The following GLUD1 variants were observed in gnomAD, a reference collection of about 807,000 sequenced individuals.
The protein encoded by GLUD1 is glutamate dehydrogenase 1, mitochondrial.
Under a neutral mutation model 56.0 loss-of-function variants are expected in GLUD1, and 22 were observed. That is an observed-to-expected ratio of 0.39 (90% CI 0.28 to 0.56). The LOEUF (loss-of-function observed/expected upper bound fraction) is 0.56, where lower values mean the gene tolerates loss of function less well. Among genes scored for constraint, GLUD1 ranks in the 20% least tolerant of loss-of-function variants. The probability of loss-of-function intolerance (pLI) is 0.58; values close to 1 mark genes in which losing one functional copy is unlikely to be tolerated. For missense variants in GLUD1, 451 were observed against 732.0 expected, an observed-to-expected ratio of 0.62 and a Z score of 4.43; for synonymous variants, 223 against 269.9, an observed-to-expected ratio of 0.83 and a Z score of 1.70.
intron 1 of GLUD1, among the ~76,000 whole-genome samples, chr10:87,079,887 GCTCTCCCTCTCC>G (rs1267906047): frequency 3.8e-4 from 56 of 146,390 alleles, no homozygotes; most frequent in African/African-American, 1.4e-3. Context: ...AAGAACTAGT[GCTCTCCCTCTCC>G]CTCCCCCTCC....
intron 4 of GLUD1, among the ~76,000 whole-genome samples, chr10:87,070,202 CA>C (rs1237506466): frequency 2.0e-5 from 3 of 152,210 alleles, no homozygotes; most frequent in African/African-American, 7.2e-5. Context: ...CCTGTAATCC[CA>C]GCACTTTGGG....
At position 87,090,987 on chromosome 10, in the gene GLUD1, C is replaced by G. The variant is rs1045487469; in HGVS notation, c.445+3338G>C. Among the ~76,000 whole-genome samples, 58 of 152,208 alleles carry G rather than the reference C, an allele frequency of 3.8e-4. 1 individual carries two copies. Among genetic ancestry groups the G allele is most frequent in the African/African-American group, 1.2e-3 (48 of 41,538 alleles). On this transcript the variant is annotated intron_variant, in intron 1 of 12. Coordinates refer to ENST00000277865, the MANE Select transcript of GLUD1 (RefSeq NM_005271.5). ...GGCGTCTTTAACACTGCATTGACTCCGGTCTTCCCTTGCATTATGTCATCA... is the reference window on the plus strand; with the variant it reads ...GGCGTCTTTAACACTGCATTGACTCGGGTCTTCCCTTGCATTATGTCATCA...
At chr10:87,090,007 G>T (rs190116630) in intron 1 of GLUD1, among the ~76,000 whole-genome samples, 1 of 152,158 alleles carries the variant, frequency 6.6e-6, no homozygotes, top group Non-Finnish European at 1.5e-5. Flanking sequence ...ATGAATCAAT[G>T]TGCTCTAAAG....
intron 1 of GLUD1, among the ~76,000 whole-genome samples, chr10:87,087,562 A>G (rs1297802388): frequency 4.6e-5 from 7 of 152,230 alleles, no homozygotes. Context: ...AGATGCTCCT[A>G]TCACTCAGGA....
intron 1 of GLUD1, among the ~76,000 whole-genome samples, chr10:87,088,716 CAGA>C (rs1841444079): frequency 6.6e-6 from 1 of 152,276 alleles, no homozygotes; most frequent in South Asian, 2.1e-4. Context: ...AGAAGCAAAT[CAGA>C]AGAATTACGT....
Position 87,094,793 on chromosome 10 carries a change from G to A in GLUD1, c.-24C>T. 2 of 1,516,080 alleles carry A rather than the reference G, an allele frequency of 1.3e-6. No homozygotes were observed. 93.9% of individuals were successfully genotyped at this position (1,516,080 alleles called of 1,614,324 possible). A position where few individuals can be genotyped will look rare whatever the true frequency, so the allele number is the denominator to read the frequency against. ...ATGGCCACAAGCGGAGGGGAGGTGCGTGATGGTCGCGAAACAGGCGCGCTT... is the reference window on the plus strand; with the variant it reads ...ATGGCCACAAGCGGAGGGGAGGTGCATGATGGTCGCGAAACAGGCGCGCTT... On this transcript the variant is annotated 5_prime_UTR_variant, in exon 1 of 13. It adds an upstream start codon to the 5' untranslated region. Coordinates refer to ENST00000277865, the MANE Select transcript of GLUD1 (RefSeq NM_005271.5). This position sits in a 1 kb window ranked among gnomAD's most constrained non-coding sequence, Gnocchi z 6.6.
At chr10:87,055,925 C>A (rs1274258357) in intron 11 of GLUD1, among the ~76,000 whole-genome samples, 4 of 151,626 alleles carry the variant, frequency 2.6e-5, no homozygotes, top group African/African-American at 9.7e-5. Context: ...ACCAGCCTGA[C>A]CAACAAGGTG....
intron 1 of GLUD1, among the ~76,000 whole-genome samples, chr10:87,077,102 C>T (rs1259581640): frequency 6.6e-6 from 1 of 152,014 alleles, no homozygotes; most frequent in Non-Finnish European, 1.5e-5. Flanking sequence ...CCTCAACCTC[C>T]TAGGCTCAGG....
chr10:87,067,857 A>G, intron 5 of GLUD1: 1 of 535,836 alleles, frequency 1.9e-6, no homozygotes, highest in Non-Finnish European at 3.4e-6. Context: ...TCCAGTGACA[A>G]GTATAGGGCA....
chr10:87,058,295 T>A (rs1285370496), intron 10 of GLUD1, among the ~76,000 whole-genome samples: 1 of 152,186 alleles, frequency 6.6e-6, no homozygotes, highest in East Asian at 1.9e-4. Flanking sequence ...TAACACCCAT[T>A]ACCAGGGTTT....
rs1464419757 is a variant in GLUD1, at chr10:87,051,479, C to G, written c.*272G>C. The G allele has an allele frequency of 4.1e-6, 2 of 484,224 alleles. No homozygotes were observed. Among genetic ancestry groups the G allele is most frequent in the Non-Finnish European group, 7.8e-6 (2 of 255,596 alleles). 30.0% of individuals were successfully genotyped at this position (484,224 alleles called of 1,614,324 possible). On this transcript the variant is annotated 3_prime_UTR_variant, in exon 13 of 13. Coordinates refer to ENST00000277865, the MANE Select transcript of GLUD1 (RefSeq NM_005271.5). The stretch of plus-strand genomic sequence containing the variant: ...GGAAAAGCCACAGAGCAAGGCTGCA[C>G]AGCCAGATAAAGGAGGCTTTTTATT...
In GLUD1 at chr10:87,051,964, C is replaced by T. The variant is rs563116530; in HGVS notation, c.1558-94G>A. On this transcript the variant is annotated intron_variant, in intron 12 of 12. Transcript: ENST00000277865. ...CCCAGACAGGCCTGGTCCAAGTTAC[C>T]CTCTCATTGTTTCAAGGCAGGACTT... 320 of 1,433,688 alleles carry T rather than the reference C, an allele frequency of 2.2e-4. 7 individuals carry two copies. In the South Asian group the frequency reaches 3.5e-3, roughly 16 times the overall value. 88.8% of individuals were successfully genotyped at this position (1,433,688 alleles called of 1,614,324 possible).
chr10:87,091,977 A>C (rs1296060011), intron 1 of GLUD1, among the ~76,000 whole-genome samples: 2 of 152,218 alleles, frequency 1.3e-5, no homozygotes, highest in Non-Finnish European at 2.9e-5. Context: ...GATTATCCAA[A>C]GCATTTAAAA....
chr10:87,079,936 CTCTCCCTCTCCCCACGG>C (rs1231248969), intron 1 of GLUD1, among the ~76,000 whole-genome samples: 2,810 of 134,802 alleles, frequency 0.021, 103 homozygotes, highest in African/African-American at 0.069. Flanking sequence ...CCCCCTCTCC[CTCTCCCTCTCCCCACGG>C]TCTCCCTCTC....
chr10:87,052,537 G>A (rs1488271282), intron 12 of GLUD1, among the ~76,000 whole-genome samples: 1 of 151,740 alleles, frequency 6.6e-6, no homozygotes, highest in Non-Finnish European at 1.5e-5. Flanking sequence ...GGGCATGGTG[G>A]CTCATGCCTG....
intron 4 of GLUD1, among the ~76,000 whole-genome samples, chr10:87,070,377 G>A (rs906164954): frequency 6.6e-6 from 1 of 152,006 alleles, no homozygotes; most frequent in Non-Finnish European, 1.5e-5. Context: ...GAGGTGGGCT[G>A]ATCACGAGGT....
chr10:87,059,082 G>A (rs1845863468), intron 10 of GLUD1, 68 bp downstream of exon 10: 1 of 1,566,716 alleles, frequency 6.4e-7, no homozygotes, highest in Admixed American at 1.7e-5. Context: ...TCTCTTAAGT[G>A]GACCTTTTTA....
chr10:87,052,684 A>AG (rs1309929738), intron 12 of GLUD1, among the ~76,000 whole-genome samples: 1 of 150,720 alleles, frequency 6.6e-6, no homozygotes, highest in African/African-American at 2.4e-5. Context: ...AAAAAAAAAA[A>AG]AAAAAAAAAA....
At chr10:87,082,587 AG>A (rs1473760434) in intron 1 of GLUD1, among the ~76,000 whole-genome samples, 1 of 152,266 alleles carries the variant, frequency 6.6e-6, no homozygotes, top group African/African-American at 2.4e-5. Context: ...GAACAGGGAC[AG>A]GGAGGGGATA....
Sources: gnomAD v4.1 joint callset for allele counts (sites outside exome capture counted in the v4.1 genomes callset) on GRCh38, gnomAD v4.1.1 for gene constraint, Gnocchi (gnomAD v3.1) non-coding constraint, MANE v1.5 for transcripts, NCBI Gene and HGNC (gene_info 2026-07-23, HGNC 2026-07-21) for gene names.